The following TUSC3 variants were observed in gnomAD, a reference collection of about 807,000 sequenced individuals.
The protein encoded by TUSC3 is tumor suppressor candidate 3.
In TUSC3, 45 loss-of-function variants were observed where a neutral mutation model predicts 44.8. The ratio of observed to expected loss-of-function variants is 1.00; its 90% CI spans 0.79 to 1.29. The LOEUF (loss-of-function observed/expected upper bound fraction) is 1.29, where lower values mean the gene tolerates loss of function less well. Among genes scored for constraint, TUSC3 ranks in the 50% most tolerant of loss-of-function variants. The probability of loss-of-function intolerance (pLI) is 0.00; values close to 1 mark genes in which losing one functional copy is unlikely to be tolerated. For missense variants in TUSC3, 519 were observed against 437.9 expected, an observed-to-expected ratio of 1.19 and a Z score of -1.65; for synonymous variants, 212 against 152.9, an observed-to-expected ratio of 1.39 and a Z score of -2.85.
rs1332141201 is a variant in TUSC3, at chr8:15,700,869, C to CTTTTTTTTTTTTTTTTTTT, written c.798+27036_798+27037insTTTTTTTTTTTTTTTTTTT. On this transcript the variant is annotated intron_variant, in intron 6 of 10. Coordinates refer to ENST00000503731, the MANE Select transcript of TUSC3 (RefSeq NM_006765.4). ...TGGAGCTTTTTTTTTTTTTTTTTTGCTTTGCCTGTTGGTGTTTCTGGGTTG... is the reference window on the plus strand; with the variant it reads ...TGGAGCTTTTTTTTTTTTTTTTTTGCTTTTTTTTTTTTTTTTTTTTTTGCCTGTTGGTGTTTCTGGGTTG... Among the ~76,000 whole-genome samples the CTTTTTTTTTTTTTTTTTTT allele has an allele frequency of 1.7e-3, 100 of 60,280 alleles. 1 individual carries two copies. Among genetic ancestry groups the CTTTTTTTTTTTTTTTTTTT allele is most frequent in the African/African-American group, 4.8e-3 (72 of 14,960 alleles). 39.5% of individuals were successfully genotyped at this position (60,280 alleles called of 152,430 possible). A position where few individuals can be genotyped will look rare whatever the true frequency, so the allele number is the denominator to read the frequency against.
At chr8:15,782,012 T>C in the TUSC3 span, among the ~76,000 whole-genome samples, 2 of 152,092 alleles carry the variant, frequency 1.3e-5, no homozygotes, top group Non-Finnish European at 2.9e-5. Flanking sequence ...CAGGTGCCTA[T>C]AAATCCCAGC....
rs189967469 is a variant in TUSC3 at position 15,733,831 on chromosome 8, G to T, written c.862+3102G>T. On this transcript the variant is annotated intron_variant, in intron 7 of 10. Transcript: ENST00000503731. ...CTTTCACAGGCTGATCATTTTAGTTGAGGAGTTTGAGACCAGCCTGGGCAA... is the reference window on the plus strand; with the variant it reads ...CTTTCACAGGCTGATCATTTTAGTTTAGGAGTTTGAGACCAGCCTGGGCAA... Among the ~76,000 whole-genome samples, 545 of 152,202 alleles carry T rather than the reference G, an allele frequency of 3.6e-3. 1 individual carries two copies. Among genetic ancestry groups the T allele is most frequent in the Middle Eastern group, 6.8e-3 (2 of 294 alleles).
chr8:15,476,433 G>C (rs561229681), intron 1 of TUSC3, among the ~76,000 whole-genome samples: 10 of 152,202 alleles, frequency 6.6e-5, no homozygotes, highest in Admixed American at 1.3e-4. Flanking sequence ...TTTTTTCTAA[G>C]AACATAGTAG....
chr8:15,418,703 A>G (rs1300332553), intron 1 of TUSC3, among the ~76,000 whole-genome samples: 1 of 152,212 alleles, frequency 6.6e-6, no homozygotes, highest in Non-Finnish European at 1.5e-5. Context: ...CCTAAGAGTT[A>G]AAATTAAGAA....
intron 1 of TUSC3, among the ~76,000 whole-genome samples, chr8:15,471,718 A>G (rs1174377792): frequency 1.3e-5 from 2 of 151,918 alleles, no homozygotes; most frequent in East Asian, 3.9e-4. Flanking sequence ...TCCAGGTTAA[A>G]GCTATTCTCC....
At chr8:15,432,394 A>G (rs1364845380) in intron 1 of TUSC3, among the ~76,000 whole-genome samples, 3 of 152,024 alleles carry the variant, frequency 2.0e-5, no homozygotes, top group East Asian at 1.9e-4. Context: ...GCTTACTTAC[A>G]TTTCCCATCT....
intron 1 of TUSC3, among the ~76,000 whole-genome samples, chr8:15,427,638 C>T (rs1799820337): frequency 6.6e-6 from 1 of 152,000 alleles, no homozygotes; most frequent in Non-Finnish European, 1.5e-5. Flanking sequence ...TTTTAATAAA[C>T]TTTCACTTCT....
At chr8:15,437,892 A>C (rs1278003922) in intron 1 of TUSC3, among the ~76,000 whole-genome samples, 2 of 152,190 alleles carry the variant, frequency 1.3e-5, no homozygotes, top group Non-Finnish European at 2.9e-5. Context: ...CACCCTGTTG[A>C]GATAACAGGA....
rs1042708072 is a variant in TUSC3 at position 15,648,542 on chromosome 8, C to T, written c.309-2155C>T. Among the ~76,000 whole-genome samples the T allele has an allele frequency of 4.6e-5, 7 of 151,460 alleles. 1 individual carries two copies. In the South Asian group the frequency reaches 6.3e-4, roughly 14 times the overall value. The stretch of plus-strand genomic sequence containing the variant: ...GAGATCGAGACCATCCTGGCTAAGA[C>T]GGTGAAACCCTGTTTCTACTAAAAA... On this transcript the variant is annotated intron_variant, in intron 2 of 10. Coordinates refer to ENST00000503731, the MANE Select transcript of TUSC3 (RefSeq NM_006765.4).
intron 1 of TUSC3, among the ~76,000 whole-genome samples, chr8:15,555,364 A>G (rs1802222522): frequency 7.6e-6 from 1 of 131,338 alleles, no homozygotes; most frequent in Non-Finnish European, 1.5e-5. Context: ...CTGGGGGATC[A>G]CAGTTCACTG....
At chr8:15,605,481 A>G (rs1804482407) in intron 1 of TUSC3, among the ~76,000 whole-genome samples, 1 of 151,994 alleles carries the variant, frequency 6.6e-6, no homozygotes, top group East Asian at 1.9e-4. Context: ...CCCTTGAACA[A>G]CATGGGTATG....
intron 6 of TUSC3, among the ~76,000 whole-genome samples, chr8:15,725,200 G>A (rs1416877886): frequency 6.6e-6 from 1 of 152,078 alleles, no homozygotes; most frequent in African/African-American, 2.4e-5. Context: ...TGCTTTATCA[G>A]TGAATAAAAG....
At chr8:15,460,143 C>G (rs1354296207) in intron 1 of TUSC3, among the ~76,000 whole-genome samples, 1 of 152,134 alleles carries the variant, frequency 6.6e-6, no homozygotes. Flanking sequence ...TACTAGTTTA[C>G]ATTCCCAACA....
At chr8:15,574,784 T>C (rs562358915) in intron 1 of TUSC3, among the ~76,000 whole-genome samples, 54 of 152,198 alleles carry the variant, frequency 3.5e-4, no homozygotes, top group Admixed American at 1.4e-3. Flanking sequence ...TTAAGCTAGA[T>C]GTTACTCTTT....
At chr8:15,836,483 A>T in the TUSC3 span, among the ~76,000 whole-genome samples, 1 of 151,928 alleles carries the variant, frequency 6.6e-6, no homozygotes, top group Non-Finnish European at 1.5e-5. Context: ...TCTCAAAAAA[A>T]AAAAAAAAAT....
chr8:15,709,632 A>G (rs542786642), intron 6 of TUSC3, among the ~76,000 whole-genome samples: 1 of 151,968 alleles, frequency 6.6e-6, no homozygotes, highest in African/African-American at 2.4e-5. Context: ...GAGGATGATG[A>G]TGATGATGAT....
intron 1 of TUSC3, among the ~76,000 whole-genome samples, chr8:15,571,740 T>C (rs1209195086): frequency 4.6e-5 from 7 of 152,162 alleles, no homozygotes; most frequent in Admixed American, 4.6e-4. Context: ...TTTTGCAAAA[T>C]TGGAGTCTGT....
chr8:15,427,426 C>G (rs959581279), intron 1 of TUSC3, among the ~76,000 whole-genome samples: 9 of 151,848 alleles, frequency 5.9e-5, no homozygotes, highest in Non-Finnish European at 4.4e-5. Context: ...AAGGCAGTCT[C>G]CAATAGAAAA....
the TUSC3 span, among the ~76,000 whole-genome samples, chr8:15,825,821 T>A: frequency 6.6e-6 from 1 of 152,098 alleles, no homozygotes; most frequent in Admixed American, 6.6e-5. Context: ...GTTAATTCTC[T>A]TAACTGTATG....
Sources: gnomAD v4.1 joint callset for allele counts (sites outside exome capture counted in the v4.1 genomes callset) on GRCh38, gnomAD v4.1.1 for gene constraint, MANE v1.5 for transcripts, NCBI Gene and HGNC (gene_info 2026-07-23, HGNC 2026-07-21) for gene names.